GCFC2: variants seen among roughly 807,000 people sequenced by gnomAD.
GCFC2 encodes GC-rich sequence DNA-binding factor 2, also known as intron Large complex component GCFC2.
GCFC2 carries 102 observed loss-of-function variants against 99.4 expected under a neutral mutation model. The ratio of observed to expected loss-of-function variants is 1.03; its 90% CI spans 0.87 to 1.21. GCFC2 has a LOEUF of 1.21. Ranked by LOEUF, GCFC2 falls within the 50% of genes most tolerant of loss-of-function variation. GCFC2 has a pLI of 0.00. For synonymous variants in GCFC2, 338 were observed against 316.8 expected (o/e 1.07, Z -0.71); for missense variants, 973 against 920.9 (o/e 1.06, Z -0.73).
At position 75,696,717 on chromosome 2, in the gene GCFC2, T is replaced by C. The variant is rs534980437; in HGVS notation, c.718-402A>G. Among the ~76,000 whole-genome samples the C allele has an allele frequency of 5.3e-5, 8 of 152,292 alleles. No individual in the cohort carries two copies. The East Asian group carries it at 1.4e-3, about 26-fold the overall frequency. On this transcript the variant is annotated intron_variant, in intron 4 of 16. Transcript: ENST00000321027. ...TACCTATTTAACTGCAACTCCATTC[T>C]AGTCAATGAAAAGTAAATGGAAGTG...
In GCFC2 at chr2:75,689,076, G is replaced by A; in HGVS notation, c.1489C>T (p.Leu497Phe). 1 of 1,597,278 alleles carries A rather than the reference G, an allele frequency of 6.3e-7. No homozygotes were observed. The highest frequency in any genetic ancestry group is 8.6e-7 in the Non-Finnish European group (1 of 1,167,368). Residue 497 changes from leucine to phenylalanine, a missense_variant, in exon 10 of 17, where the codon CTT becomes TTT. Leu to Phe is a conservative substitution (Grantham distance 22). Coordinates refer to ENST00000321027, the MANE Select transcript of GCFC2 (RefSeq NM_003203.5). ...EAFISLCIPK[L>F]LNPLIRVQLI... Reference sequence around the variant, plus strand: ...TGAACTCGTATTAGGGGATTTAAAAGCTTTGGTATGCATAAACTAATGAAA... The same window carrying A: ...TGAACTCGTATTAGGGGATTTAAAAACTTTGGTATGCATAAACTAATGAAA...
At chr2:75,692,144 GAAATAT>G in intron 6 of GCFC2, 44 bp from the exon 7 acceptor site, 2 of 582,750 alleles carry the variant, frequency 3.4e-6, no homozygotes, top group South Asian at 3.4e-5. Flanking sequence ...CATCGATAAT[GAAATAT>G]ATATATATAT....
intron 15 of GCFC2, among the ~76,000 whole-genome samples, chr2:75,667,731 G>A (rs1204779944): frequency 6.6e-6 from 1 of 152,104 alleles, no homozygotes; most frequent in Non-Finnish European, 1.5e-5. Context: ...ACTAAAAGTC[G>A]ATTTTCTTGG....
At chr2:75,704,038 A>G (rs904451601) in intron 2 of GCFC2, among the ~76,000 whole-genome samples, 2 of 152,232 alleles carry the variant, frequency 1.3e-5, no homozygotes, top group Admixed American at 6.5e-5. Context: ...CAAGGAAGAG[A>G]AGAGTATTGC....
chr2:75,673,305 C>G, intron 13 of GCFC2, 139 bp downstream of exon 13: 1 of 609,882 alleles, frequency 1.6e-6, no homozygotes, highest in Non-Finnish European at 2.9e-6. Flanking sequence ...GAGACTCAGT[C>G]TCAAAAGAAA....
intron 7 of GCFC2, chr2:75,690,967 C>T (rs992692272): frequency 1.8e-5 from 6 of 327,992 alleles, no homozygotes; most frequent in Non-Finnish European, 2.8e-5. Flanking sequence ...TTGTTGAGAA[C>T]AGCAACAAAG....
chr2:75,689,818 AGAGTCTTACAG>A, intron 9 of GCFC2, 140 bp downstream of exon 9: 3 of 551,126 alleles, frequency 5.4e-6, no homozygotes, highest in Non-Finnish European at 9.6e-6. Flanking sequence ...TTCAGAGAAA[AGAGTCTTACAG>A]AGGAAAAATG....
At chr2:75,704,073 A>G (rs1290142767) in intron 2 of GCFC2, among the ~76,000 whole-genome samples, 1 of 152,214 alleles carries the variant, frequency 6.6e-6, no homozygotes, top group African/African-American at 2.4e-5. Context: ...TGCATATTCA[A>G]TACCTCGTTC....
chr2:75,664,865 G>A, intron 16 of GCFC2, 82 bp from the exon 17 acceptor site: 1 of 698,826 alleles, frequency 1.4e-6, no homozygotes. Flanking sequence ...ATCATCAGTT[G>A]TTAATCTAAA....
At chr2:75,692,590 T>A (rs1020714743) in intron 6 of GCFC2, among the ~76,000 whole-genome samples, 2 of 150,682 alleles carry the variant, frequency 1.3e-5, no homozygotes, top group African/African-American at 4.9e-5. Flanking sequence ...GAGGTTACAG[T>A]GAGCTGAGAT....
chr2:75,671,917 A>G, intron 14 of GCFC2, 33 bp downstream of exon 14: 1 of 1,112,052 alleles, frequency 9.0e-7, no homozygotes, highest in Non-Finnish European at 1.4e-6. Context: ...TTTTTACAAA[A>G]ATTGCCTTTT....
chr2:75,666,713 T>TAA (rs879656710), intron 15 of GCFC2, among the ~76,000 whole-genome samples: 2 of 127,970 alleles, frequency 1.6e-5, no homozygotes, highest in Admixed American at 7.7e-5. Flanking sequence ...ATTTAAAAAG[T>TAA]AAAAAAAAAA....
intron 11 of GCFC2, among the ~76,000 whole-genome samples, chr2:75,686,997 C>T (rs1393000239): frequency 1.3e-5 from 2 of 151,572 alleles, no homozygotes; most frequent in African/African-American, 4.9e-5. Flanking sequence ...TGCAATGGCA[C>T]GATCTCGGCT....
intron 13 of GCFC2, among the ~76,000 whole-genome samples, chr2:75,673,111 C>T (rs529568676): frequency 5.1e-4 from 77 of 152,018 alleles, no homozygotes; most frequent in African/African-American, 1.8e-3. Flanking sequence ...GAGATCGAGA[C>T]CATCCTGGCT....
intron 4 of GCFC2, among the ~76,000 whole-genome samples, 187 bp from the exon 5 acceptor site, chr2:75,696,502 A>G (rs1335395369): frequency 6.6e-6 from 1 of 152,196 alleles, no homozygotes; most frequent in Non-Finnish European, 1.5e-5. Context: ...GTTTAAATTC[A>G]TATTTAAGAA....
At chr2:75,685,747 C>T (rs888383594) in intron 11 of GCFC2, among the ~76,000 whole-genome samples, 43 of 142,318 alleles carry the variant, frequency 3.0e-4, no homozygotes, top group African/African-American at 1.2e-3. Context: ...TCTGACTGGA[C>T]CTCCCCCTTT....
At chr2:75,673,190 G>A (rs1310855624) in intron 13 of GCFC2, among the ~76,000 whole-genome samples, 5 of 152,160 alleles carry the variant, frequency 3.3e-5, no homozygotes, top group East Asian at 1.9e-4. Context: ...GGCGCCTGTA[G>A]TCCCAGCCAT....
intron 15 of GCFC2, among the ~76,000 whole-genome samples, chr2:75,666,591 G>A (rs1463601958): frequency 1.3e-5 from 2 of 151,920 alleles, no homozygotes; most frequent in East Asian, 3.9e-4. Flanking sequence ...ATCAATGTAG[G>A]TGCATTCAAT....
intron 11 of GCFC2, among the ~76,000 whole-genome samples, chr2:75,686,939 T>TG (rs983333254): frequency 2.0e-5 from 3 of 149,580 alleles, no homozygotes; most frequent in Non-Finnish European, 4.5e-5. Context: ...ATGAAGCAAT[T>TG]TTTTTTTTTT....
Sources: gnomAD v4.1 joint callset for allele counts (sites outside exome capture counted in the v4.1 genomes callset) on GRCh38, gnomAD v4.1.1 for gene constraint, MANE v1.5 for transcripts, NCBI Gene and HGNC (gene_info 2026-07-23, HGNC 2026-07-21) for gene names.